Variants in SLC22A23 observed in about 807,000 individuals in gnomAD.
The protein encoded by SLC22A23 is ion transporter protein.
A neutral mutation model predicts 61.0 loss-of-function variants in SLC22A23; 26 were observed. That is an observed-to-expected ratio of 0.43 (90% CI 0.31 to 0.59). The LOEUF is 0.59. SLC22A23 is among the 20% of genes least tolerant of loss of function. The pLI is 0.11. For missense variants in SLC22A23, 796 were observed against 934.7 expected, an observed-to-expected ratio of 0.85 and a Z score of 1.94; for synonymous variants, 430 against 413.9, an observed-to-expected ratio of 1.04 and a Z score of -0.47.
chr6:3,371,841 G>A (rs961290660), intron 3 of SLC22A23, among the ~76,000 whole-genome samples: 3 of 151,838 alleles, frequency 2.0e-5, no homozygotes, highest in Non-Finnish European at 2.9e-5. Flanking sequence ...AGATGCCATC[G>A]ATTTTAAGAT....
At chr6:3,403,411 G>A (rs1581826557) in intron 3 of SLC22A23, among the ~76,000 whole-genome samples, 1 of 152,068 alleles carries the variant, frequency 6.6e-6, no homozygotes, top group East Asian at 1.9e-4. Flanking sequence ...TGTGGTAAGA[G>A]AGGCGAATGG....
rs1422778353 is a variant in SLC22A23 at position 3,286,398 on chromosome 6, C to T, written c.1546+461G>A. Among the ~76,000 whole-genome samples the T allele has an allele frequency of 2.0e-5, 3 of 152,218 alleles. 1 individual carries two copies. The South Asian group carries it at 6.2e-4, about 31-fold the overall frequency. On this transcript the variant is annotated intron_variant, in intron 7 of 9. Coordinates refer to ENST00000406686, the MANE Select transcript of SLC22A23 (RefSeq NM_015482.2). The surrounding 1 kb of genome is among the most constrained non-coding windows in gnomAD (Gnocchi z 4.2). ...TACAGGCGTGAGCCACCGCACCCGG[C>T]CAGATTATTTTTAACCTTTACTGAG...
In SLC22A23 at chr6:3,328,502, G is replaced by A. The variant is rs1435892012; in HGVS notation, c.914-4500C>T. On this transcript the variant is annotated intron_variant, in intron 3 of 9. Coordinates refer to ENST00000406686, the MANE Select transcript of SLC22A23 (RefSeq NM_015482.2). The surrounding 1 kb of genome is among the most constrained non-coding windows in gnomAD (Gnocchi z 5.0). ...TCACGTGGCGGGGCTGCAGTCTTAGGCATTTGCTCAAACAGGAACCCCGGT... is the reference window on the plus strand; with the variant it reads ...TCACGTGGCGGGGCTGCAGTCTTAGACATTTGCTCAAACAGGAACCCCGGT... 6.6e-6 allele frequency among the ~76,000 whole-genome samples: 1 copy of A among 152,118 alleles called. No homozygotes were observed. The highest frequency in any genetic ancestry group is 1.5e-5 in the Non-Finnish European group (1 of 68,010).
At chr6:3,439,978 G>A (rs9328171) in intron 1 of SLC22A23, among the ~76,000 whole-genome samples, 131 of 151,948 alleles carry the variant, frequency 8.6e-4, no homozygotes, top group African/African-American at 3.1e-3. Flanking sequence ...GGCAGAGACC[G>A]TGAAACCTAC....
chr6:3,280,805 C>A (rs1759403906), intron 9 of SLC22A23, among the ~76,000 whole-genome samples: 1 of 152,116 alleles, frequency 6.6e-6, no homozygotes, highest in Non-Finnish European at 1.5e-5. Flanking sequence ...CTTTAAGATA[C>A]AACTTTTTAA....
At chr6:3,340,733 G>A (rs1764106094) in intron 3 of SLC22A23, among the ~76,000 whole-genome samples, 7 of 152,164 alleles carry the variant, frequency 4.6e-5, no homozygotes, top group Admixed American at 3.9e-4. Context: ...TGGGAAAAGG[G>A]CAGCCGCATG....
intron 3 of SLC22A23, among the ~76,000 whole-genome samples, chr6:3,392,894 C>T (rs1161222533): frequency 3.3e-5 from 5 of 152,154 alleles, no homozygotes; most frequent in African/African-American, 1.2e-4. Flanking sequence ...TGGTGATATA[C>T]ACCTGGGAGT....
chr6:3,398,179 C>T (rs570397388), intron 3 of SLC22A23, among the ~76,000 whole-genome samples: 1 of 152,326 alleles, frequency 6.6e-6, no homozygotes, highest in African/African-American at 2.4e-5. Context: ...AAACTCTAAG[C>T]CCCACAGGAA....
rs777185968 is a variant in SLC22A23, at chr6:3,304,314, G to A, written c.1083-6096C>T. Among the ~76,000 whole-genome samples, 2 of 152,184 alleles carry A rather than the reference G, an allele frequency of 1.3e-5. No individual in the cohort carries two copies. The highest frequency in any genetic ancestry group is 2.9e-5 in the Non-Finnish European group (2 of 68,028). On this transcript the variant is annotated intron_variant, in intron 4 of 9. Coordinates refer to ENST00000406686, the MANE Select transcript of SLC22A23 (RefSeq NM_015482.2). This position sits in a 1 kb window ranked among gnomAD's most constrained non-coding sequence, Gnocchi z 4.3. ...TTGGGTCTAAAGGCAACACACTTTG[G>A]ATACCTAAAAACTGACAACAACCAA... is the stretch of plus-strand genomic sequence containing the variant.
intron 4 of SLC22A23, chr6:3,323,465 T>A (rs1763085297): frequency 2.5e-6 from 1 of 406,822 alleles, no homozygotes; most frequent in African/African-American, 2.1e-5. Context: ...TCCTTTAATA[T>A]CTCCAAATCC....
In SLC22A23 at chr6:3,269,419, A is replaced by C. The variant is rs1561847215; in HGVS notation, c.*3636T>G. On this transcript the variant is annotated 3_prime_UTR_variant, in exon 10 of 10. Transcript: ENST00000406686. The stretch of plus-strand genomic sequence containing the variant: ...ATGGTAGTGAAATGCCCTTCGGTGG[A>C]TACCATCAGGTGAGGTAGGGAAGAC... The C allele has an allele frequency of 6.6e-6, 1 of 152,584 alleles. No individual in the cohort carries two copies. The highest frequency in any genetic ancestry group is 2.4e-5 in the African/African-American group (1 of 41,464). 9.5% of individuals were successfully genotyped at this position (152,584 alleles called of 1,614,324 possible). A position where few individuals can be genotyped will look rare whatever the true frequency, so the allele number is the denominator to read the frequency against.
rs1195150530 is a variant in SLC22A23 at position 3,456,740 on chromosome 6, C to G, written c.-181G>C. Reference sequence around the variant, plus strand: ...GGCCGCCCCCATGTCACCCGCCGGACCCCGCGCCCCGGGCGCTGCGGCCCC... The same window carrying G: ...GGCCGCCCCCATGTCACCCGCCGGAGCCCGCGCCCCGGGCGCTGCGGCCCC... On this transcript the variant is annotated 5_prime_UTR_variant, in exon 1 of 10. Transcript: ENST00000406686. This position sits in a 1 kb window ranked among gnomAD's most constrained non-coding sequence, Gnocchi z 7.1. 1 of 233,360 alleles carries G rather than the reference C, an allele frequency of 4.3e-6. No individual in the cohort carries two copies. The highest frequency in any genetic ancestry group is 1.9e-4 in the East Asian group (1 of 5,344). The allele number at this position is 233,360 out of a possible 1,614,324, so 14.5% of individuals were successfully genotyped here.
chr6:3,437,539 A>T (rs534767689), intron 1 of SLC22A23, among the ~76,000 whole-genome samples: 1 of 151,474 alleles, frequency 6.6e-6, no homozygotes, highest in South Asian at 2.1e-4. Context: ...TTAAAAAAAA[A>T]TTAGTCAGGT....
chr6:3,384,761 C>T (rs894379749), intron 3 of SLC22A23, among the ~76,000 whole-genome samples: 1 of 152,200 alleles, frequency 6.6e-6, no homozygotes, highest in Admixed American at 6.5e-5. Flanking sequence ...TATAGTCCTT[C>T]AAGAACTGAA....
chr6:3,431,249 G>C (rs555698981), intron 1 of SLC22A23, among the ~76,000 whole-genome samples: 1 of 152,302 alleles, frequency 6.6e-6, no homozygotes, highest in South Asian at 2.1e-4. Flanking sequence ...GTCACAGAGT[G>C]GAATGTTAAT....
intron 3 of SLC22A23, among the ~76,000 whole-genome samples, chr6:3,355,815 G>A (rs1765035432): frequency 6.6e-6 from 1 of 151,174 alleles, no homozygotes; most frequent in African/African-American, 2.4e-5. Flanking sequence ...TCTCAAAGCC[G>A]GCGTCGCTCT....
chr6:3,313,515 T>C (rs1393971890), intron 4 of SLC22A23: 2 of 152,264 alleles, frequency 1.3e-5, no homozygotes, highest in African/African-American at 4.8e-5. Flanking sequence ...CATGCTTAAT[T>C]GTTGCTGTAA....
Position 3,324,119 on chromosome 6 carries a change from C to T in SLC22A23, c.914-117G>A, listed in dbSNP as rs1002859702. 1.7e-5 allele frequency: 22 copies of T among 1,284,994 alleles called. No individual in the cohort carries two copies. Among genetic ancestry groups the T allele is most frequent in the Non-Finnish European group, 1.4e-5 (13 of 924,840 alleles). The allele number at this position is 1,284,994 out of a possible 1,614,324, so 79.6% of individuals were successfully genotyped here. On this transcript the variant is annotated intron_variant, in intron 3 of 9. Coordinates refer to ENST00000406686, the MANE Select transcript of SLC22A23 (RefSeq NM_015482.2). The surrounding 1 kb of genome is among the most constrained non-coding windows in gnomAD (Gnocchi z 4.3). The stretch of plus-strand genomic sequence containing the variant: ...CACCAACGACTGAAATTGTTTTCAT[C>T]TGCTGCCCACCACAAGTGCCCTATG...
chr6:3,276,483 T>C (rs1055220056), intron 9 of SLC22A23, among the ~76,000 whole-genome samples: 4 of 152,228 alleles, frequency 2.6e-5, no homozygotes, highest in African/African-American at 7.2e-5. Context: ...GAGCTAATCA[T>C]ATCACCTGGC....
Sources: gnomAD v4.1 joint callset for allele counts (sites outside exome capture counted in the v4.1 genomes callset) on GRCh38, gnomAD v4.1.1 for gene constraint, Gnocchi (gnomAD v3.1) non-coding constraint, MANE v1.5 for transcripts, NCBI Gene and HGNC (gene_info 2026-07-23, HGNC 2026-07-21) for gene names.